WASHC4: variants seen among roughly 807,000 people sequenced by gnomAD.
The protein encoded by WASHC4 is WASH complex subunit 4.
Under a neutral mutation model 166.6 loss-of-function variants are expected in WASHC4, and 86 were observed. That is an observed-to-expected ratio of 0.52 (90% CI 0.43 to 0.62). The LOEUF (loss-of-function observed/expected upper bound fraction) is 0.62. Ranked by LOEUF, WASHC4 falls within the 20% of genes least tolerant of loss-of-function variation. The probability of loss-of-function intolerance (pLI) is 0.00; values close to 1 mark genes in which losing one functional copy is unlikely to be tolerated. For synonymous variants in WASHC4, 446 were observed against 451.6 expected (o/e 0.99, Z 0.16); for missense variants, 1,262 against 1,382.4 (o/e 0.91, Z 1.38).
At chr12:105,139,797 T>C (rs1316155266) in intron 15 of WASHC4, among the ~76,000 whole-genome samples, 1 of 152,018 alleles carries the variant, frequency 6.6e-6, no homozygotes, top group African/African-American at 2.4e-5. Flanking sequence ...ATACATCGGC[T>C]TGCCTTTTTA....
intron 2 of WASHC4, among the ~76,000 whole-genome samples, chr12:105,113,226 T>C (rs560555654): frequency 6.6e-6 from 1 of 152,184 alleles, no homozygotes; most frequent in Admixed American, 6.5e-5. Context: ...GTAATACATG[T>C]TGATTTTTTA....
intron 26 of WASHC4, among the ~76,000 whole-genome samples, chr12:105,154,129 C>T (rs141715229): frequency 6.6e-6 from 1 of 151,300 alleles, no homozygotes; most frequent in Admixed American, 6.6e-5. Context: ...CTCCTAGGTT[C>T]AAGCGATTCT....
At position 105,121,221 on chromosome 12, in the gene WASHC4, A is replaced by G. The variant is rs200245620; in HGVS notation, c.665+17A>G. The G allele has an allele frequency of 3.0e-4, 411 of 1,383,680 alleles. No individual in the cohort carries two copies. The highest frequency in any genetic ancestry group is 3.8e-4 in the Non-Finnish European group (371 of 972,690). 85.7% of individuals were successfully genotyped at this position (1,383,680 alleles called of 1,614,324 possible). A position where few individuals can be genotyped will look rare whatever the true frequency, so the allele number is the denominator to read the frequency against. On this transcript the variant is annotated intron_variant, in intron 9 of 32. Coordinates refer to ENST00000332180, the MANE Select transcript of WASHC4 (RefSeq NM_015275.3). ...GTACAAAAGGTACACCAATTAAAAT[A>G]TTTTAAAATGTTTCTTACTTTGGTT...
Position 105,152,408 on chromosome 12 carries a change from A to C in WASHC4, c.2715A>C (p.Gly905=). The change falls in exon 26 of 33, where the codon GGA becomes GGC. Residue 905 remains glycine (G), a synonymous_variant. Transcript: ENST00000332180. ...GIRKLGVTPE[G]QSYLDQFRQL... ...GAAAACTTGGAGTAACACCTGAGGG[A>C]CAGAGCTACCTTGATCAATTCAGGC... 6.2e-7 allele frequency: 1 copy of C among 1,606,692 alleles called. No homozygotes were observed. Among genetic ancestry groups the C allele is most frequent in the Non-Finnish European group, 8.5e-7 (1 of 1,173,376 alleles).
intron 25 of WASHC4, among the ~76,000 whole-genome samples, chr12:105,151,585 G>A (rs1037816190): frequency 1.3e-5 from 2 of 151,870 alleles, no homozygotes; most frequent in African/African-American, 2.4e-5. Context: ...GGGTTCAAGC[G>A]ATTCTCCTGC....
At chr12:105,108,754 A>G (rs868204193) in intron 1 of WASHC4, among the ~76,000 whole-genome samples, 1 of 151,628 alleles carries the variant, frequency 6.6e-6, no homozygotes, top group African/African-American at 2.4e-5. Flanking sequence ...TTTTTCCCTC[A>G]TAGTTTTCCC....
At position 105,107,749 on chromosome 12, in the gene WASHC4, G is replaced by T; in HGVS notation, c.-52G>T. On this transcript the variant is annotated 5_prime_UTR_variant, in exon 1 of 33. Transcript: ENST00000332180. ...CTGTGACAGTAGCTGGGGTGAGGCC[G>T]TCGTCGCCGCACGGGCTGGTTGGGG... The T allele has an allele frequency of 1.4e-6, 2 of 1,386,280 alleles. No homozygotes were observed. Among genetic ancestry groups the T allele is most frequent in the South Asian group, 2.5e-5 (2 of 79,874 alleles). The allele number at this position is 1,386,280 out of a possible 1,614,324, so 85.9% of individuals were successfully genotyped here. A position where few individuals can be genotyped will look rare whatever the true frequency, so the allele number is the denominator to read the frequency against.
intron 18 of WASHC4, 138 bp downstream of exon 18, chr12:105,141,384 C>T: frequency 2.7e-6 from 2 of 754,334 alleles, no homozygotes; most frequent in South Asian, 1.4e-5. Flanking sequence ...TTAGCATGAC[C>T]AAAATGAGAT....
intron 13 of WASHC4, among the ~76,000 whole-genome samples, chr12:105,132,983 C>G (rs1291352582): frequency 6.6e-6 from 1 of 152,052 alleles, no homozygotes; most frequent in African/African-American, 2.4e-5. Context: ...GGTGGTTTTC[C>G]TGCTTTTACC....
chr12:105,113,899 TC>T (rs1230787516), intron 2 of WASHC4, among the ~76,000 whole-genome samples: 1 of 152,048 alleles, frequency 6.6e-6, no homozygotes, highest in Non-Finnish European at 1.5e-5. Context: ...GAAAGGTTTT[TC>T]CCCATGATCA....
At chr12:105,114,591 A>G (rs1007209328) in intron 4 of WASHC4, among the ~76,000 whole-genome samples, 164 bp downstream of exon 4, 1 of 152,074 alleles carries the variant, frequency 6.6e-6, no homozygotes, top group Non-Finnish European at 1.5e-5. Flanking sequence ...CTTAGTATGT[A>G]CAAAACACCA....
intron 24 of WASHC4, chr12:105,149,046 A>G (rs1288331962): frequency 3.1e-6 from 3 of 979,602 alleles, no homozygotes; most frequent in Admixed American, 1.2e-4. Context: ...CTTGTTTAAA[A>G]TGTTTGTCAC....
At position 105,146,527 on chromosome 12, in the gene WASHC4, G is replaced by T. The variant is rs1346471847; in HGVS notation, c.2409+1G>T. 6.4e-7 allele frequency: 1 copy of T among 1,572,426 alleles called. No homozygotes were observed. The highest frequency in any genetic ancestry group is 1.4e-5 in the African/African-American group (1 of 73,640). ...ATACCTCTATAATCTCAACAATCAG[G>T]TGAGTAGGGTTTATAAATTTTTTTT... is the stretch of plus-strand genomic sequence containing the variant. On this transcript the variant is annotated splice_donor_variant, in intron 23 of 32. Transcript: ENST00000332180. LOFTEE classifies it high-confidence loss of function.
chr12:105,132,480 A>G (rs976760026), intron 13 of WASHC4, among the ~76,000 whole-genome samples: 10 of 152,200 alleles, frequency 6.6e-5, no homozygotes, highest in African/African-American at 2.4e-4. Context: ...CCACATACTA[A>G]GTTTTTTAAA....
At chr12:105,132,787 AGTGTGTGTGTGTGTGT>A (rs58569487) in intron 13 of WASHC4, among the ~76,000 whole-genome samples, 63 of 142,430 alleles carry the variant, frequency 4.4e-4, no homozygotes, top group Non-Finnish European at 6.7e-4. Flanking sequence ...TGAAAGAGGT[AGTGTGTGTGTGTGTGT>A]GTGTGTGTGT....
At chr12:105,150,924 G>T (rs951105726) in intron 25 of WASHC4, among the ~76,000 whole-genome samples, 5 of 152,026 alleles carry the variant, frequency 3.3e-5, no homozygotes, top group African/African-American at 1.2e-4. Flanking sequence ...TGAGAACAGG[G>T]TAGGGGAAAC....
intron 26 of WASHC4, among the ~76,000 whole-genome samples, chr12:105,154,265 G>A (rs189738274): frequency 6.6e-6 from 1 of 152,140 alleles, no homozygotes; most frequent in East Asian, 1.9e-4. Flanking sequence ...TCCTGACCTC[G>A]TGATCCATCC....
Position 105,164,185 on chromosome 12 carries a change from G to A in WASHC4, c.3232G>A (p.Glu1078Lys). ...ACTTCACTGGTTCCAGTCTGTTAGA[G>A]AGAAATACCTGAAGGAGATAAGAGC... ...DSLHWFQSVR[E>K]KYLKEIRAVA... The change falls in exon 31 of 33, where the codon GAG becomes AAG. Residue 1078 changes from glutamate (E) to lysine (K), a missense_variant. Coordinates refer to ENST00000332180, the MANE Select transcript of WASHC4 (RefSeq NM_015275.3). 6.2e-7 allele frequency: 1 copy of A among 1,614,120 alleles called. No individual in the cohort carries two copies. The highest frequency in any genetic ancestry group is 8.5e-7 in the Non-Finnish European group (1 of 1,179,984).
At chr12:105,148,542 G>T in intron 24 of WASHC4, 2 of 985,278 alleles carry the variant, frequency 2.0e-6, no homozygotes, top group Non-Finnish European at 2.4e-6. Flanking sequence ...AATCAGGATG[G>T]CAGAATAGTT....
Sources: gnomAD v4.1 joint callset for allele counts (sites outside exome capture counted in the v4.1 genomes callset) on GRCh38, gnomAD v4.1.1 for gene constraint, MANE v1.5 for transcripts, NCBI Gene and HGNC (gene_info 2026-07-23, HGNC 2026-07-21) for gene names.